WIPF3: variants seen among roughly 807,000 people sequenced by gnomAD.
The protein encoded by WIPF3 is WAS/WASL-interacting protein family member 3.
In WIPF3, 33 loss-of-function variants were observed where a neutral mutation model predicts 38.9. The ratio of observed to expected loss-of-function variants is 0.85; its 90% CI spans 0.64 to 1.14. WIPF3 has a LOEUF of 1.14. WIPF3 is among the 50% of genes most tolerant of loss of function. The pLI is 0.00. For missense variants in WIPF3, 711 were observed against 652.5 expected (o/e 1.09, Z -0.98); for synonymous variants, 324 against 269.3 (o/e 1.20, Z -1.99).
intron 1 of WIPF3, among the ~76,000 whole-genome samples, chr7:29,809,658 C>T (rs941099304): frequency 1.3e-5 from 2 of 152,220 alleles, no homozygotes; most frequent in Non-Finnish European, 2.9e-5. Flanking sequence ...CAGTAGGGCA[C>T]TTGAAACTCC....
intron 2 of WIPF3, among the ~76,000 whole-genome samples, chr7:29,840,479 A>G (rs909963805): frequency 1.3e-5 from 2 of 152,198 alleles, no homozygotes; most frequent in South Asian, 2.1e-4. Flanking sequence ...ACTGGGGTCT[A>G]TATTTGATGT....
At chr7:29,831,325 C>T (rs989479957) in intron 1 of WIPF3, among the ~76,000 whole-genome samples, 1 of 152,192 alleles carries the variant, frequency 6.6e-6, no homozygotes, top group African/African-American at 2.4e-5. Flanking sequence ...TATCTGGGCC[C>T]TCAACGGATT....
At chr7:29,832,910 A>G (rs1430590448) in intron 1 of WIPF3, among the ~76,000 whole-genome samples, 2 of 152,222 alleles carry the variant, frequency 1.3e-5, no homozygotes, top group African/African-American at 4.8e-5. Context: ...ACAACACCCC[A>G]AAGGTGAAAG....
intron 3 of WIPF3, among the ~76,000 whole-genome samples, chr7:29,876,917 G>A (rs1308797889): frequency 6.6e-6 from 1 of 152,106 alleles, no homozygotes; most frequent in South Asian, 2.1e-4. Flanking sequence ...TCTGTGAAAT[G>A]GGGAGACAAT....
intron 5 of WIPF3, among the ~76,000 whole-genome samples, chr7:29,884,873 G>T (rs901554463): frequency 1.3e-5 from 2 of 152,158 alleles, no homozygotes; most frequent in Non-Finnish European, 2.9e-5. Flanking sequence ...TTACCTCCTG[G>T]GTTTGTTGTT....
Position 29,914,656 on chromosome 7 carries a change from G to A in WIPF3, c.*140G>A. 1.9e-6 allele frequency: 1 copy of A among 530,726 alleles called. No individual in the cohort carries two copies. Among genetic ancestry groups the A allele is most frequent in the Non-Finnish European group, 3.1e-6 (1 of 320,970 alleles). 32.9% of individuals were successfully genotyped at this position (530,726 alleles called of 1,614,324 possible). On this transcript the variant is annotated 3_prime_UTR_variant, in exon 9 of 9. Coordinates refer to ENST00000242140, the MANE Select transcript of WIPF3 (RefSeq NM_001080529.3). The stretch of plus-strand genomic sequence containing the variant: ...TTTATTTATTGTAAATATGTGATTT[G>A]CACGGGCTTTAAAGCAGTATTTTAA...
chr7:29,857,595 T>C (rs1785206371), intron 2 of WIPF3, among the ~76,000 whole-genome samples: 1 of 152,148 alleles, frequency 6.6e-6, no homozygotes, highest in Admixed American at 6.5e-5. Flanking sequence ...CTGCTTCCTA[T>C]GGCCCAGCTG....
chr7:29,852,022 A>T (rs1340282361), intron 2 of WIPF3, among the ~76,000 whole-genome samples: 1 of 151,834 alleles, frequency 6.6e-6, no homozygotes, highest in Non-Finnish European at 1.5e-5. Context: ...AATTTTTGAG[A>T]TGGGAGTCTT....
At chr7:29,881,301 T>C (rs573793149) in intron 4 of WIPF3, among the ~76,000 whole-genome samples, 1 of 152,316 alleles carries the variant, frequency 6.6e-6, no homozygotes, top group South Asian at 2.1e-4. Flanking sequence ...GAAGCTAAGC[T>C]CCGTGAAGGC....
chr7:29,810,029 A>T (rs943523343), intron 1 of WIPF3, among the ~76,000 whole-genome samples: 1 of 152,028 alleles, frequency 6.6e-6, no homozygotes, highest in African/African-American at 2.4e-5. Context: ...GTTTCTGAGG[A>T]CGTGTGTCTG....
rs116038480 is a variant in WIPF3, at chr7:29,909,101, T to C, written c.1428+4739T>C. Reference sequence around the variant, plus strand: ...AAACTATAAAACACTTGGAGATTAATTGAAATGAACATACAACATACCAAA... The same window carrying C: ...AAACTATAAAACACTTGGAGATTAACTGAAATGAACATACAACATACCAAA... On this transcript the variant is annotated intron_variant, in intron 8 of 8. Coordinates refer to ENST00000242140, the MANE Select transcript of WIPF3 (RefSeq NM_001080529.3). 4.5e-3 allele frequency among the ~76,000 whole-genome samples: 682 copies of C among 152,212 alleles called. 6 individuals are homozygous for C. Among genetic ancestry groups the C allele is most frequent in the African/African-American group, 0.016 (656 of 41,548 alleles).
At chr7:29,884,625 G>T in intron 5 of WIPF3, 32 bp downstream of exon 5, 1 of 1,573,280 alleles carries the variant, frequency 6.4e-7, no homozygotes, top group East Asian at 2.3e-5. Flanking sequence ...AGTGCCCCTG[G>T]TGGAGTGCGA....
At chr7:29,860,185 C>T (rs1414126645) in intron 2 of WIPF3, among the ~76,000 whole-genome samples, 4 of 152,172 alleles carry the variant, frequency 2.6e-5, no homozygotes, top group Non-Finnish European at 4.4e-5. Context: ...GTTTTGAAAG[C>T]AAGAGTCCCA....
intron 2 of WIPF3, among the ~76,000 whole-genome samples, chr7:29,850,760 C>A (rs78895906): frequency 2.6e-5 from 4 of 152,154 alleles, no homozygotes; most frequent in African/African-American, 9.7e-5. Context: ...GAGCACCATG[C>A]CCCACCTGGC....
At chr7:29,872,659 G>C (rs899484251) in intron 2 of WIPF3, among the ~76,000 whole-genome samples, 22 of 151,922 alleles carry the variant, frequency 1.4e-4, no homozygotes, top group African/African-American at 5.1e-4. Context: ...AGCCGGGCGT[G>C]GTGGCGGGCG....
At position 29,861,155 on chromosome 7, in the gene WIPF3, CATGGAAGTAATAT is replaced by C. The variant is rs561866782; in HGVS notation, c.91-14666_91-14654del. Among the ~76,000 whole-genome samples, 10 of 152,212 alleles carry C rather than the reference CATGGAAGTAATAT, an allele frequency of 6.6e-5. No individual in the cohort carries two copies. In the East Asian group the frequency reaches 1.7e-3, roughly 26 times the overall value. ...GTTTCAGCTCATTCCTGAGCCTCACCATGGAAGTAATATATGGAAGTGTCTGGATTTCCCCCTA... is the reference window on the plus strand; with the variant it reads ...GTTTCAGCTCATTCCTGAGCCTCACCATGGAAGTGTCTGGATTTCCCCCTA... On this transcript the variant is annotated intron_variant, in intron 2 of 8. Coordinates refer to ENST00000242140, the MANE Select transcript of WIPF3 (RefSeq NM_001080529.3).
intron 2 of WIPF3, among the ~76,000 whole-genome samples, chr7:29,870,894 T>C (rs1583611652): frequency 6.8e-6 from 1 of 146,198 alleles, no homozygotes. Context: ...GAGAGGGAGG[T>C]GGCAGTGAGC....
intron 7 of WIPF3, among the ~76,000 whole-genome samples, chr7:29,898,275 G>A (rs923313116): frequency 6.6e-6 from 1 of 152,060 alleles, no homozygotes; most frequent in African/African-American, 2.4e-5. Flanking sequence ...CTTCAGAGTC[G>A]TCTTTGACTT....
At chr7:29,814,560 G>T (rs1784428335) in intron 1 of WIPF3, among the ~76,000 whole-genome samples, 1 of 152,166 alleles carries the variant, frequency 6.6e-6, no homozygotes, top group Admixed American at 6.5e-5. Flanking sequence ...AAGCACACAG[G>T]CTTGGGATCA....
Sources: gnomAD v4.1 joint callset for allele counts (sites outside exome capture counted in the v4.1 genomes callset) on GRCh38, gnomAD v4.1.1 for gene constraint, MANE v1.5 for transcripts, NCBI Gene and HGNC (gene_info 2026-07-23, HGNC 2026-07-21) for gene names.